MBD5: variants seen among roughly 807,000 people sequenced by gnomAD.
MBD5 encodes methyl-CpG-binding domain protein 5.
A neutral mutation model predicts 117.3 loss-of-function variants in MBD5; 13 were observed. The ratio of observed to expected loss-of-function variants is 0.11; its 90% CI spans 0.07 to 0.18. The LOEUF is 0.18. Ranked by LOEUF, MBD5 falls within the 10% of genes least tolerant of loss-of-function variation. The pLI, the probability that MBD5 is intolerant of heterozygous loss-of-function variation, is 1.00. For missense variants in MBD5, 1,879 were observed against 2,093.8 expected (o/e 0.90, Z 2.00); for synonymous variants, 727 against 766.4 (o/e 0.95, Z 0.85).
chr2:148,111,049 A>T (rs144629960), intron 1 of MBD5, among the ~76,000 whole-genome samples: 2 of 152,104 alleles, frequency 1.3e-5, no homozygotes, highest in Admixed American at 1.3e-4. Context: ...TTCTGTTTTC[A>T]ATTAGTTCAT....
At chr2:148,030,251 G>T (rs1694001773) in intron 1 of MBD5, among the ~76,000 whole-genome samples, 2 of 151,846 alleles carry the variant, frequency 1.3e-5, no homozygotes, top group African/African-American at 4.8e-5. Context: ...CTTCAGCCTG[G>T]GTAACAGAGC....
At chr2:148,355,895 A>G (rs989648816) in intron 4 of MBD5, among the ~76,000 whole-genome samples, 2 of 152,174 alleles carry the variant, frequency 1.3e-5, no homozygotes, top group African/African-American at 2.4e-5. Flanking sequence ...CATTGAATCT[A>G]TAAAGTACTT....
chr2:148,196,638 G>T (rs1263463915), intron 2 of MBD5, among the ~76,000 whole-genome samples: 2 of 152,068 alleles, frequency 1.3e-5, no homozygotes, highest in African/African-American at 4.8e-5. Context: ...TTAAAACTTG[G>T]TGTCTTTTAT....
chr2:148,169,142 A>C (rs1375348103), intron 1 of MBD5, among the ~76,000 whole-genome samples: 3 of 152,036 alleles, frequency 2.0e-5, no homozygotes, highest in African/African-American at 7.2e-5. Context: ...TTAGTTTGCT[A>C]TCCTTCTAAA....
intron 4 of MBD5, among the ~76,000 whole-genome samples, chr2:148,402,735 G>A (rs1183100980): frequency 6.6e-6 from 1 of 152,044 alleles, no homozygotes; most frequent in Admixed American, 6.5e-5. Context: ...TCCACTATAT[G>A]GATATACTAC....
At chr2:148,091,297 G>GA (rs1002993620) in intron 1 of MBD5, among the ~76,000 whole-genome samples, 50 of 152,086 alleles carry the variant, frequency 3.3e-4, no homozygotes, top group African/African-American at 1.1e-3. Flanking sequence ...CACAGAACTA[G>GA]AAAAAACAAT....
chr2:148,289,466 T>C (rs1309347893), intron 3 of MBD5, among the ~76,000 whole-genome samples: 1 of 152,156 alleles, frequency 6.6e-6, no homozygotes, highest in African/African-American at 2.4e-5. Flanking sequence ...AGTACAACTC[T>C]TGGAAAACAA....
chr2:148,433,954 A>T (rs777833525), intron 4 of MBD5, among the ~76,000 whole-genome samples: 1 of 149,946 alleles, frequency 6.7e-6, no homozygotes, highest in Non-Finnish European at 1.5e-5. Context: ...TAATAGTTTC[A>T]GTAGAAATGG....
chr2:148,432,447 C>CTA lies in MBD5; in HGVS notation c.-556-25752_-556-25751dup, dbSNP rs1706018963. 3.9e-5 allele frequency among the ~76,000 whole-genome samples: 6 copies of CTA among 152,182 alleles called. No homozygotes were observed. In the South Asian group the frequency reaches 1.2e-3, roughly 32 times the overall value. On this transcript the variant is annotated intron_variant, in intron 4 of 13. Coordinates refer to ENST00000642680, the MANE Select transcript of MBD5 (RefSeq NM_001378120.1). ...TTCATCATGAAATCTTTGCCAAGTC[C>CTA]TATATCCAGAATAGTATTTCCTAGG...
intron 3 of MBD5, among the ~76,000 whole-genome samples, chr2:148,250,992 G>T (rs1700451474): frequency 1.3e-5 from 2 of 152,020 alleles, no homozygotes; most frequent in African/African-American, 4.8e-5. Flanking sequence ...AAATAGTGGG[G>T]TTTTTTAATG....
At chr2:148,376,939 A>G (rs1453218985) in intron 4 of MBD5, among the ~76,000 whole-genome samples, 1 of 145,716 alleles carries the variant, frequency 6.9e-6, no homozygotes. Context: ...AGAGTTAGCA[A>G]GTACTTATTG....
chr2:148,271,177 CTCTTTA>C lies in MBD5; in HGVS notation c.-680+37789_-680+37794del, dbSNP rs566652773. Among the ~76,000 whole-genome samples, 494 of 152,160 alleles carry C rather than the reference CTCTTTA, an allele frequency of 3.2e-3. 5 individuals are homozygous for C. Among genetic ancestry groups the C allele is most frequent in the Middle Eastern group, 0.031 (9 of 294 alleles). On this transcript the variant is annotated intron_variant, in intron 3 of 13. Coordinates refer to ENST00000642680, the MANE Select transcript of MBD5 (RefSeq NM_001378120.1). ...TAGGCTCTAGGTAATTTTATTTATACTCTTTATCTTTAGTCAGTTGTTTCTAGTTTT... is the reference window on the plus strand; with the variant it reads ...TAGGCTCTAGGTAATTTTATTTATACTCTTTAGTCAGTTGTTTCTAGTTTT...
At chr2:148,038,353 A>T (rs1258137889) in intron 1 of MBD5, among the ~76,000 whole-genome samples, 1 of 151,916 alleles carries the variant, frequency 6.6e-6, no homozygotes, top group Non-Finnish European at 1.5e-5. Flanking sequence ...AAAATTTCTA[A>T]ACAGGAGTCT....
chr2:148,184,463 A>T (rs1160500612), intron 2 of MBD5, among the ~76,000 whole-genome samples: 1 of 152,170 alleles, frequency 6.6e-6, no homozygotes, highest in Non-Finnish European at 1.5e-5. Context: ...TTTAAATTCT[A>T]TTATTTATCC....
At chr2:148,452,674 A>C (rs993118554) in intron 4 of MBD5, among the ~76,000 whole-genome samples, 4 of 152,196 alleles carry the variant, frequency 2.6e-5, no homozygotes, top group Non-Finnish European at 5.9e-5. Context: ...TGTTTATTTT[A>C]GGGATTCCTT....
intron 1 of MBD5, among the ~76,000 whole-genome samples, chr2:148,171,023 CT>C (rs1456115012): frequency 6.6e-6 from 1 of 152,144 alleles, no homozygotes; most frequent in Admixed American, 6.5e-5. Context: ...AGCCCAGGAC[CT>C]GATGGCTTAT....
At chr2:148,352,236 A>G (rs1703266120) in intron 4 of MBD5, among the ~76,000 whole-genome samples, 1 of 151,632 alleles carries the variant, frequency 6.6e-6, no homozygotes. Context: ...CCATCACCCC[A>G]CCTCCTTGCC....
intron 4 of MBD5, among the ~76,000 whole-genome samples, chr2:148,365,876 C>G (rs1393668478): frequency 1.3e-5 from 2 of 151,926 alleles, no homozygotes; most frequent in Non-Finnish European, 2.9e-5. Flanking sequence ...GATGGATGCC[C>G]AGGTGAATTC....
chr2:148,115,036 T>A (rs934821188), intron 1 of MBD5, among the ~76,000 whole-genome samples: 1 of 152,132 alleles, frequency 6.6e-6, no homozygotes, highest in Admixed American at 6.5e-5. Flanking sequence ...TATACAATTA[T>A]GTATATTTAA....
Sources: allele counts gnomAD v4.1 joint callset (sites outside exome capture counted in the v4.1 genomes callset), GRCh38; gene constraint gnomAD v4.1.1; transcripts MANE v1.5; gene names NCBI Gene and HGNC (gene_info 2026-07-23, HGNC 2026-07-21).